The following NALCN variants were observed in gnomAD, a reference collection of about 807,000 sequenced individuals.
NALCN encodes the protein sodium leak channel NALCN.
A neutral mutation model predicts 225.3 loss-of-function variants in NALCN; 111 were observed. The ratio of observed to expected loss-of-function variants is 0.49; its 90% confidence interval spans 0.42 to 0.58. NALCN has a LOEUF of 0.58. Among genes scored for constraint, NALCN ranks in the 20% least tolerant of loss-of-function variants. The pLI is 0.00. For missense variants in NALCN, 1,378 were observed against 2,202.4 expected (o/e 0.63, Z 7.49); for synonymous variants, 764 against 769.0 (o/e 0.99, Z 0.11).
At chr13:101,168,768 C>T (rs2139902614) in intron 15 of NALCN, among the ~76,000 whole-genome samples, 1 of 152,308 alleles carries the variant, frequency 6.6e-6, no homozygotes, top group Non-Finnish European at 1.5e-5. Context: ...TAGTGCTGCT[C>T]AAGCATTTCC....
intron 11 of NALCN, among the ~76,000 whole-genome samples, chr13:101,246,063 T>C (rs559550057): frequency 2.0e-5 from 3 of 152,280 alleles, no homozygotes; most frequent in South Asian, 4.1e-4. Flanking sequence ...AAGTGTACTT[T>C]CACTTTCAAT....
At chr13:101,200,647 G>A (rs754871052) in intron 13 of NALCN, among the ~76,000 whole-genome samples, 1 of 152,102 alleles carries the variant, frequency 6.6e-6, no homozygotes, top group Non-Finnish European at 1.5e-5. Flanking sequence ...CAGGGCCACT[G>A]AGGACCCATG....
intron 7 of NALCN, among the ~76,000 whole-genome samples, chr13:101,327,678 G>A (rs1010332965): frequency 2.6e-5 from 4 of 152,112 alleles, no homozygotes; most frequent in Admixed American, 6.6e-5. Context: ...AAGGAACATC[G>A]AGTCAGGGAA....
chr13:101,319,148 G>A (rs971732854), intron 7 of NALCN, among the ~76,000 whole-genome samples: 1 of 152,150 alleles, frequency 6.6e-6, no homozygotes, highest in Non-Finnish European at 1.5e-5. Context: ...GATGAGCCCA[G>A]ACAAAATGGA....
chr13:101,187,589 T>C (rs529165674), intron 14 of NALCN, among the ~76,000 whole-genome samples: 1 of 152,176 alleles, frequency 6.6e-6, no homozygotes, highest in South Asian at 2.1e-4. Flanking sequence ...AGCAAACAAT[T>C]GAGTCACAAA....
intron 6 of NALCN, among the ~76,000 whole-genome samples, chr13:101,370,644 G>A (rs1479858536): frequency 1.3e-5 from 2 of 152,210 alleles, no homozygotes; most frequent in African/African-American, 2.4e-5. Flanking sequence ...TAGTGAATGA[G>A]ACAGGTGAAA....
intron 13 of NALCN, among the ~76,000 whole-genome samples, 162 bp from the exon 14 acceptor site, chr13:101,192,216 A>C (rs2039710196): frequency 6.6e-6 from 1 of 152,228 alleles, no homozygotes; most frequent in Non-Finnish European, 1.5e-5. Flanking sequence ...TATAAGAATA[A>C]AGATCTTAAA....
intron 6 of NALCN, among the ~76,000 whole-genome samples, chr13:101,351,227 T>G (rs1162642663): frequency 1.3e-5 from 2 of 152,172 alleles, no homozygotes; most frequent in Non-Finnish European, 2.9e-5. Context: ...TTATGCACTT[T>G]TAAGTGTAAT....
At chr13:101,084,808 T>G (rs952649008) in intron 30 of NALCN, among the ~76,000 whole-genome samples, 1 of 152,170 alleles carries the variant, frequency 6.6e-6, no homozygotes, top group African/African-American at 2.4e-5. Context: ...GGTTTCTCCA[T>G]TGTTGATCTC....
intron 28 of NALCN, among the ~76,000 whole-genome samples, chr13:101,093,256 C>G (rs1485171348): frequency 1.3e-5 from 2 of 152,188 alleles, no homozygotes; most frequent in Admixed American, 1.3e-4. Context: ...ACTAGACTGT[C>G]TCCTGAATTA....
chr13:101,138,676 C>A (rs906683932), intron 17 of NALCN, among the ~76,000 whole-genome samples: 1 of 152,204 alleles, frequency 6.6e-6, no homozygotes, highest in East Asian at 1.9e-4. Context: ...GGCAGTGAGA[C>A]GCTGTAGACT....
At chr13:101,279,804 G>A (rs989438638) in intron 10 of NALCN, among the ~76,000 whole-genome samples, 12 of 144,588 alleles carry the variant, frequency 8.3e-5, no homozygotes, top group African/African-American at 2.5e-4. Flanking sequence ...GCGACAGAGC[G>A]AGACTCCGTC....
intron 37 of NALCN, among the ~76,000 whole-genome samples, chr13:101,071,980 G>A (rs2032922064): frequency 1.3e-5 from 2 of 152,272 alleles, no homozygotes; most frequent in East Asian, 1.9e-4. Flanking sequence ...AGAAAAGAGA[G>A]AAGAGTTGGA....
chr13:101,148,896 C>T (rs952476814), intron 15 of NALCN, among the ~76,000 whole-genome samples: 6 of 151,670 alleles, frequency 4.0e-5, no homozygotes, highest in Non-Finnish European at 8.8e-5. Flanking sequence ...GTATGCGTGT[C>T]CTTAGATTCA....
At chr13:101,237,133 ACT>A (rs1394346490) in intron 12 of NALCN, among the ~76,000 whole-genome samples, 1 of 151,870 alleles carries the variant, frequency 6.6e-6, no homozygotes, top group Admixed American at 6.6e-5. Context: ...ACTAATAATT[ACT>A]GTTTATTGCA....
At chr13:101,349,343 T>C (rs1240814584) in intron 6 of NALCN, among the ~76,000 whole-genome samples, 1 of 152,184 alleles carries the variant, frequency 6.6e-6, no homozygotes, top group Non-Finnish European at 1.5e-5. Context: ...TTGTTGTTTT[T>C]GTGGTAGAGA....
intron 39 of NALCN, among the ~76,000 whole-genome samples, chr13:101,065,915 T>C (rs1289895878): frequency 6.6e-6 from 1 of 152,124 alleles, no homozygotes; most frequent in African/African-American, 2.4e-5. Flanking sequence ...CTCCAACACA[T>C]GCACTGAGTG....
At chr13:101,368,959 T>G in intron 6 of NALCN, 2 of 323,690 alleles carry the variant, frequency 6.2e-6, no homozygotes, top group South Asian at 2.5e-5. Flanking sequence ...TAAGCTGAGA[T>G]CATGCCACTG....
At chr13:101,167,822 G>A (rs1020739055) in intron 15 of NALCN, among the ~76,000 whole-genome samples, 1 of 147,436 alleles carries the variant, frequency 6.8e-6, no homozygotes, top group African/African-American at 2.5e-5. Context: ...CTAAGGAAAA[G>A]GTTGAGACTC....
Sources: gnomAD v4.1 joint callset for allele counts (sites outside exome capture counted in the v4.1 genomes callset) on GRCh38, gnomAD v4.1.1 for gene constraint, MANE v1.5 for transcripts, NCBI Gene and HGNC (gene_info 2026-07-23, HGNC 2026-07-21) for gene names.